Variants in GNAI1 observed in about 807,000 individuals in gnomAD.
The protein encoded by GNAI1 is G protein subunit alpha i1.
A neutral mutation model predicts 38.9 loss-of-function variants in GNAI1; 11 were observed. The observed-to-expected ratio is 0.28, with a 90% CI of 0.18 to 0.47. The LOEUF (loss-of-function observed/expected upper bound fraction) is 0.47. GNAI1 is among the 20% of genes least tolerant of loss of function. The probability of loss-of-function intolerance (pLI) is 0.99; values close to 1 mark genes in which losing one functional copy is unlikely to be tolerated. For synonymous variants in GNAI1, 166 were observed against 145.1 expected (o/e 1.14, Z -1.04); for missense variants, 317 against 436.9 (o/e 0.73, Z 2.45).
rs57665299 is a variant in GNAI1 at position 80,193,009 on chromosome 7, G to GT, written c.303+3789dup. Among the ~76,000 whole-genome samples the GT allele has an allele frequency of 9.9e-4, 147 of 148,694 alleles. 1 individual carries two copies. The highest frequency in any genetic ancestry group is 1.8e-3 in the African/African-American group (73 of 40,570). ...GCACCGCACCCGGCCTTGTTTTATT[G>GT]TTTTTTTTTTTGTTTTTAATAATTA... On this transcript the variant is annotated intron_variant, in intron 3 of 7. Coordinates refer to ENST00000649796, the MANE Select transcript of GNAI1 (RefSeq NM_002069.6).
chr7:80,186,908 A>G lies in GNAI1; in HGVS notation c.119-2043A>G, dbSNP rs545905539. ...CAGAATGCCTGCCATTATGCTTTTC[A>G]TGGAGCCAAGCACACTGTTGTTGAT... On this transcript the variant is annotated intron_variant, in intron 1 of 7. Transcript: ENST00000649796. Among the ~76,000 whole-genome samples, 6 of 152,346 alleles carry G rather than the reference A, an allele frequency of 3.9e-5. No individual in the cohort carries two copies. The East Asian group carries it at 1.2e-3, about 29-fold the overall frequency.
At chr7:80,137,986 G>A (rs1787454996) in intron 1 of GNAI1, among the ~76,000 whole-genome samples, 1 of 152,202 alleles carries the variant, frequency 6.6e-6, no homozygotes, top group Non-Finnish European at 1.5e-5. Flanking sequence ...AAGCATATGT[G>A]TAAGCAGCTA....
At chr7:80,170,751 A>C (rs1444209946) in intron 1 of GNAI1, among the ~76,000 whole-genome samples, 3 of 152,150 alleles carry the variant, frequency 2.0e-5, no homozygotes, top group Admixed American at 2.0e-4. Flanking sequence ...ATCTACCCCC[A>C]TGATGCAGTC....
chr7:80,199,292 C>G lies in GNAI1; in HGVS notation c.371C>G (p.Ala124Gly). The G allele has an allele frequency of 6.2e-7, 1 of 1,613,148 alleles. No homozygotes were observed. Among genetic ancestry groups the G allele is most frequent in the Non-Finnish European group, 8.5e-7 (1 of 1,179,332 alleles). ...AEEGFMTAEL[A>G]GVIKRLWKDS... is the part of the protein sequence containing the mutation. ...GAAGGCTTTATGACTGCAGAACTTGCTGGAGTTATAAAGAGATTGTGGAAA... is the reference window on the plus strand; with the variant it reads ...GAAGGCTTTATGACTGCAGAACTTGGTGGAGTTATAAAGAGATTGTGGAAA... Residue 124 changes from alanine to glycine, a missense_variant, in exon 4 of 8, where the codon GCT becomes GGT. Physicochemically the swap from Ala to Gly is moderately conservative, Grantham distance 60 (BLOSUM62 0). Coordinates refer to ENST00000649796, the MANE Select transcript of GNAI1 (RefSeq NM_002069.6).
chr7:80,185,646 T>C (rs1381693773), intron 1 of GNAI1, among the ~76,000 whole-genome samples: 1 of 152,156 alleles, frequency 6.6e-6, no homozygotes, highest in Non-Finnish European at 1.5e-5. Context: ...ATTAAACTTC[T>C]TTCTCTGCTG....
intron 1 of GNAI1, 178 bp downstream of exon 1, chr7:80,135,456 C>T (rs954765237): frequency 5.7e-5 from 24 of 420,634 alleles, no homozygotes; most frequent in African/African-American, 2.9e-4. Context: ...GGTGTCTGGT[C>T]TCTCTCCGCC....
At chr7:80,143,250 A>G (rs78607760) in intron 1 of GNAI1, among the ~76,000 whole-genome samples, 2 of 152,184 alleles carry the variant, frequency 1.3e-5, no homozygotes, top group Non-Finnish European at 2.9e-5. Context: ...ACATAAAGAT[A>G]AGTCCTCATA....
intron 1 of GNAI1, among the ~76,000 whole-genome samples, chr7:80,145,165 G>A (rs1169293027): frequency 6.6e-6 from 1 of 152,120 alleles, no homozygotes; most frequent in Non-Finnish European, 1.5e-5. Context: ...CACCCCTTAA[G>A]TAATTTTTAA....
chr7:80,221,990 A>G lies in GNAI1; in HGVS notation c.*4497A>G, dbSNP rs918971998. The stretch of plus-strand genomic sequence containing the variant: ...AACCCTTTCTTAACAGTTGAAATGC[A>G]TTTATATAAAGAAGTTTACGTTTCA... On this transcript the variant is annotated 3_prime_UTR_variant, in exon 8 of 8. Coordinates refer to ENST00000649796, the MANE Select transcript of GNAI1 (RefSeq NM_002069.6). Among the ~76,000 whole-genome samples the G allele has an allele frequency of 3.7e-4, 56 of 152,094 alleles. No homozygotes were observed. Among genetic ancestry groups the G allele is most frequent in the African/African-American group, 1.3e-3 (52 of 41,424 alleles).
intron 4 of GNAI1, among the ~76,000 whole-genome samples, 170 bp downstream of exon 4, chr7:80,199,552 G>T (rs766365844): frequency 2.7e-4 from 41 of 152,152 alleles, no homozygotes; most frequent in Admixed American, 9.2e-4. Context: ...TGTGTGTGTA[G>T]ATAGCAACGT....
intron 1 of GNAI1, among the ~76,000 whole-genome samples, chr7:80,138,506 TATA>T (rs949059030): frequency 5.4e-4 from 83 of 152,312 alleles, no homozygotes; most frequent in African/African-American, 1.8e-3. Flanking sequence ...AAGTTTTTTA[TATA>T]ATAATGTCTA....
intron 1 of GNAI1, among the ~76,000 whole-genome samples, chr7:80,162,722 T>C (rs1787945704): frequency 6.6e-6 from 1 of 152,176 alleles, no homozygotes; most frequent in Admixed American, 6.5e-5. Context: ...ATGGTTAAGA[T>C]ACATACCTGG....
chr7:80,202,890 G>A (rs1488163250), intron 4 of GNAI1, among the ~76,000 whole-genome samples: 2 of 151,986 alleles, frequency 1.3e-5, no homozygotes, highest in East Asian at 3.9e-4. Flanking sequence ...GCTTCTCCTG[G>A]GGCAGTGTCA....
chr7:80,162,596 G>T (rs528277995), intron 1 of GNAI1, among the ~76,000 whole-genome samples: 1 of 152,294 alleles, frequency 6.6e-6, no homozygotes, highest in South Asian at 2.1e-4. Flanking sequence ...TTTTCGAAGA[G>T]AAAGTTGTTC....
At chr7:80,197,898 A>G (rs1451759982) in intron 3 of GNAI1, among the ~76,000 whole-genome samples, 1 of 152,104 alleles carries the variant, frequency 6.6e-6, no homozygotes, top group African/African-American at 2.4e-5. Flanking sequence ...CTTCTCTTCT[A>G]TACCCCTTAT....
chr7:80,190,750 T>C (rs1788466343), intron 3 of GNAI1, among the ~76,000 whole-genome samples: 1 of 152,326 alleles, frequency 6.6e-6, no homozygotes, highest in East Asian at 1.9e-4. Context: ...ATTCTGCATT[T>C]GGATCTTTTA....
At chr7:80,208,453 G>A (rs1468686297) in intron 5 of GNAI1, among the ~76,000 whole-genome samples, 1 of 152,096 alleles carries the variant, frequency 6.6e-6, no homozygotes, top group Non-Finnish European at 1.5e-5. Context: ...ACAAACTTAA[G>A]CAGTTTGATC....
intron 1 of GNAI1, among the ~76,000 whole-genome samples, chr7:80,144,929 T>C (rs1787592124): frequency 6.6e-6 from 1 of 152,214 alleles, no homozygotes; most frequent in South Asian, 2.1e-4. Flanking sequence ...TATATTTTGT[T>C]ACTGTAAAAA....
intron 7 of GNAI1, among the ~76,000 whole-genome samples, chr7:80,216,786 T>A (rs1035496096): frequency 2.0e-5 from 3 of 152,164 alleles, no homozygotes; most frequent in Admixed American, 6.6e-5. Flanking sequence ...ACTTTTTTTG[T>A]AACCTCATAC....
Sources: gnomAD v4.1 joint callset for allele counts (sites outside exome capture counted in the v4.1 genomes callset) on GRCh38, gnomAD v4.1.1 for gene constraint, MANE v1.5 for transcripts, NCBI Gene and HGNC (gene_info 2026-07-23, HGNC 2026-07-21) for gene names.